FUT8: variants seen among roughly 807,000 people sequenced by gnomAD.
The protein encoded by FUT8 is alpha-(1,6)-fucosyltransferase.
In FUT8, 29 loss-of-function variants were observed where a neutral mutation model predicts 71.3. The ratio of observed to expected loss-of-function variants is 0.41; its 90% confidence interval spans 0.30 to 0.55. The LOEUF (loss-of-function observed/expected upper bound fraction) is 0.55, where lower values mean the gene tolerates loss of function less well. Ranked by LOEUF, FUT8 falls within the 20% of genes least tolerant of loss-of-function variation. The pLI is 0.34. For missense variants in FUT8, 544 were observed against 702.1 expected (o/e 0.77, Z 2.55); for synonymous variants, 254 against 239.3 (o/e 1.06, Z -0.57).
the FUT8 span, among the ~76,000 whole-genome samples, chr14:65,393,673 T>A: frequency 6.6e-6 from 1 of 152,032 alleles, no homozygotes; most frequent in Non-Finnish European, 1.5e-5. Flanking sequence ...CTCTTTATAG[T>A]GGGATTATAA....
At chr14:65,691,949 A>G (rs1260891813) in intron 7 of FUT8, among the ~76,000 whole-genome samples, 1 of 152,216 alleles carries the variant, frequency 6.6e-6, no homozygotes, top group Non-Finnish European at 1.5e-5. Context: ...ATCCCAAGGC[A>G]GAAGAATTTT....
intron 2 of FUT8, among the ~76,000 whole-genome samples, chr14:65,539,020 GCTGGCC>G (rs1476504920): frequency 6.6e-6 from 1 of 152,114 alleles, no homozygotes; most frequent in Non-Finnish European, 1.5e-5. Flanking sequence ...TTAATTTTCT[GCTGGCC>G]GATATAAAAT....
At chr14:65,492,913 C>T (rs1197944892) in intron 2 of FUT8, among the ~76,000 whole-genome samples, 1 of 152,024 alleles carries the variant, frequency 6.6e-6, no homozygotes, top group African/African-American at 2.4e-5. Flanking sequence ...CTGTCTCTCC[C>T]TCCCCACCTG....
Position 65,665,553 on chromosome 14 carries a change from A to G in FUT8, c.598-3690A>G, listed in dbSNP as rs367668327. 7.2e-5 allele frequency among the ~76,000 whole-genome samples: 11 copies of G among 152,280 alleles called. No homozygotes were observed. The East Asian group carries it at 1.3e-3, about 19-fold the overall frequency. On this transcript the variant is annotated intron_variant, in intron 6 of 10. Coordinates refer to ENST00000673929, the MANE Select transcript of FUT8 (RefSeq NM_001371533.1). The stretch of plus-strand genomic sequence containing the variant: ...GGAAATTACTCGAAGAACTTTTACT[A>G]CCATTTGACCCAGCAGTCCCATTAC...
In FUT8 at chr14:65,743,105, A is replaced by G. The variant is rs1202916037; in HGVS notation, c.*695A>G. On this transcript the variant is annotated 3_prime_UTR_variant, in exon 11 of 11. Coordinates refer to ENST00000673929, the MANE Select transcript of FUT8 (RefSeq NM_001371533.1). ...TCTTTAGTACTCAATGTTTCTGGACATTCTCTTTGATAACAAAAAATAAAT... is the reference window on the plus strand; with the variant it reads ...TCTTTAGTACTCAATGTTTCTGGACGTTCTCTTTGATAACAAAAAATAAAT... The G allele has an allele frequency of 6.6e-6, 1 of 152,332 alleles. No homozygotes were observed. The highest frequency in any genetic ancestry group is 1.9e-4 in the East Asian group (1 of 5,168). The allele number at this position is 152,332 out of a possible 1,614,324, so 9.4% of individuals were successfully genotyped here.
chr14:65,741,674 T>G (rs1424147634), intron 10 of FUT8, among the ~76,000 whole-genome samples: 1 of 152,012 alleles, frequency 6.6e-6, no homozygotes, highest in Non-Finnish European at 1.5e-5. Context: ...TTTATTTGTG[T>G]TAAGTTTTTT....
intron 6 of FUT8, among the ~76,000 whole-genome samples, chr14:65,642,862 C>A (rs1423978528): frequency 6.6e-6 from 1 of 152,130 alleles, no homozygotes; most frequent in Non-Finnish European, 1.5e-5. Context: ...TTGCATCTTG[C>A]CAGTTTGTCA....
chr14:65,688,520 CAA>C (rs34293733), intron 7 of FUT8, among the ~76,000 whole-genome samples: 73 of 55,116 alleles, frequency 1.3e-3, no homozygotes, highest in African/African-American at 3.6e-3. Context: ...ATCCACATGC[CAA>C]AAAAAAAAAA....
intron 2 of FUT8, among the ~76,000 whole-genome samples, chr14:65,544,057 G>A (rs1385378130): frequency 2.6e-5 from 4 of 152,052 alleles, no homozygotes; most frequent in Admixed American, 6.6e-5. Flanking sequence ...CTAATGTGTC[G>A]TAATTGATAC....
chr14:65,604,015 A>ATGG lies in FUT8; in HGVS notation c.204-11963_204-11962insTGG, dbSNP rs374635259. Among the ~76,000 whole-genome samples, 880 of 150,882 alleles carry ATGG rather than the reference A, an allele frequency of 5.8e-3. 34 individuals carry two copies. In the East Asian group the frequency reaches 0.094, roughly 16 times the overall value. ...CTAAAAAAGACAAAAGGCCTTGTCC[A>ATGG]ACAAGGCCTTTTACAATCCTAAACA... On this transcript the variant is annotated intron_variant, in intron 3 of 10. Transcript: ENST00000673929.
intron 10 of FUT8, among the ~76,000 whole-genome samples, chr14:65,736,565 C>T (rs751731625): frequency 3.3e-5 from 5 of 151,918 alleles, no homozygotes; most frequent in South Asian, 2.1e-4. Context: ...CCATATGATG[C>T]GATTTTTCAG....
intron 2 of FUT8, among the ~76,000 whole-genome samples, chr14:65,521,938 A>G (rs1442099927): frequency 6.6e-6 from 1 of 151,798 alleles, no homozygotes; most frequent in African/African-American, 2.4e-5. Context: ...GATCATTTAG[A>G]TAACTCTTTT....
intron 3 of FUT8, among the ~76,000 whole-genome samples, chr14:65,563,315 A>G (rs1206570273): frequency 6.6e-6 from 1 of 152,086 alleles, no homozygotes; most frequent in Non-Finnish European, 1.5e-5. Context: ...TGCATGGATC[A>G]TCTCACTGAA....
At chr14:65,640,177 A>G (rs1185581206) in intron 6 of FUT8, among the ~76,000 whole-genome samples, 1 of 152,084 alleles carries the variant, frequency 6.6e-6, no homozygotes, top group African/African-American at 2.4e-5. Context: ...TGATAGAATA[A>G]CTTAGAAGAA....
At chr14:65,571,888 G>A (rs932105578) in intron 3 of FUT8, among the ~76,000 whole-genome samples, 17 of 152,078 alleles carry the variant, frequency 1.1e-4, no homozygotes, top group African/African-American at 3.9e-4. Context: ...GTACTGAAAA[G>A]TATAACCCCA....
chr14:65,603,359 C>T lies in FUT8; in HGVS notation c.204-12619C>T, dbSNP rs1888407442. On this transcript the variant is annotated intron_variant, in intron 3 of 10. Coordinates refer to ENST00000673929, the MANE Select transcript of FUT8 (RefSeq NM_001371533.1). The surrounding 1 kb of genome is among the most constrained non-coding windows in gnomAD (Gnocchi z 4.5). ...TGTGGCTATTTTTATACCACTACCA[C>T]ACTGTTTCGGTGACTTACGGCCGTA... Among the ~76,000 whole-genome samples the T allele has an allele frequency of 6.6e-6, 1 of 151,672 alleles. No homozygotes were observed. Among genetic ancestry groups the T allele is most frequent in the Non-Finnish European group, 1.5e-5 (1 of 67,852 alleles).
intron 2 of FUT8, among the ~76,000 whole-genome samples, chr14:65,470,263 A>G (rs2139629911): frequency 6.6e-6 from 1 of 152,340 alleles, no homozygotes; most frequent in African/African-American, 2.4e-5. Context: ...CTGCAAAGGC[A>G]AGGGGGGCCT....
intron 3 of FUT8, among the ~76,000 whole-genome samples, chr14:65,598,035 T>C (rs1347405340): frequency 6.6e-6 from 1 of 152,020 alleles, no homozygotes; most frequent in Admixed American, 6.6e-5. Context: ...TAGCTGGGCA[T>C]GGTGGCGTAC....
chr14:65,638,637 T>C lies in FUT8; in HGVS notation c.597+9031T>C, dbSNP rs1890686165. ...GATACATTATTGAGGCTATTAAACA[T>C]ACATTTCAGCTTATGGAACCCCTCA... is the stretch of plus-strand genomic sequence containing the variant. On this transcript the variant is annotated intron_variant, in intron 6 of 10. Transcript: ENST00000673929. This position sits in a 1 kb window ranked among gnomAD's most constrained non-coding sequence, Gnocchi z 4.5. Among the ~76,000 whole-genome samples, 1 of 152,160 alleles carries C rather than the reference T, an allele frequency of 6.6e-6. No homozygotes were observed. The highest frequency in any genetic ancestry group is 2.4e-5 in the African/African-American group (1 of 41,418).
Sources: gnomAD v4.1 joint callset for allele counts (sites outside exome capture counted in the v4.1 genomes callset) on GRCh38, gnomAD v4.1.1 for gene constraint, Gnocchi (gnomAD v3.1) non-coding constraint, MANE v1.5 for transcripts, NCBI Gene and HGNC (gene_info 2026-07-23, HGNC 2026-07-21) for gene names.